Variants in IP6K2 observed in about 807,000 individuals in gnomAD.
IP6K2 encodes inositol hexakisphosphate kinase 2.
IP6K2 carries 9 observed loss-of-function variants against 43.3 expected under a neutral mutation model. The ratio of observed to expected loss-of-function variants is 0.21; its 90% CI spans 0.13 to 0.36. The LOEUF is 0.36. IP6K2 is among the 10% of genes least tolerant of loss of function. IP6K2 has a pLI of 1.00. For missense variants in IP6K2, 332 were observed against 538.4 expected, an observed-to-expected ratio of 0.62 and a Z score of 3.79; for synonymous variants, 209 against 202.4, an observed-to-expected ratio of 1.03 and a Z score of -0.28.
rs369490009 is a variant in IP6K2 at position 48,695,199 on chromosome 3, G to A, written c.93C>T (p.Cys31=). The A allele has an allele frequency of 3.2e-5, 51 of 1,585,516 alleles. 1 individual carries two copies. In the African/African-American group the frequency reaches 4.6e-4, roughly 14 times the overall value. Residue 31 remains cysteine (C), a synonymous_variant, in exon 2 of 6, where the codon TGC becomes TGT. Coordinates refer to ENST00000328631, the MANE Select transcript of IP6K2 (RefSeq NM_016291.4). This position sits in a 1 kb window ranked among gnomAD's most constrained non-coding sequence, Gnocchi z 4.6. ...PFVHQVGGHS[C]VLRFNETTLC... is the part of the protein sequence containing the mutation. Reference sequence around the variant, plus strand: ...GGGTTGTCTCATTGAAGCGGAGCACGCATGAGTGCCCCCCGACCTGGTGGA... The same window carrying A: ...GGGTTGTCTCATTGAAGCGGAGCACACATGAGTGCCCCCCGACCTGGTGGA...
chr3:48,695,894 AT>A lies in IP6K2; in HGVS notation c.-130-474del, dbSNP rs1051894982. On this transcript the variant is annotated intron_variant, in intron 1 of 5. Transcript: ENST00000328631. The surrounding 1 kb of genome is among the most constrained non-coding windows in gnomAD (Gnocchi z 4.6). ...TATATATAATTTTTTAATATATATA[AT>A]TTTTTTTTGAGATGGAGTCTCACTC... Among the ~76,000 whole-genome samples, 14 of 147,048 alleles carry A rather than the reference AT, an allele frequency of 9.5e-5. No individual in the cohort carries two copies. The highest frequency in any genetic ancestry group is 5.9e-4 in the East Asian group (3 of 5,106).
intron 4 of IP6K2, among the ~76,000 whole-genome samples, chr3:48,690,380 T>C (rs2077661021): frequency 6.6e-6 from 1 of 152,088 alleles, no homozygotes; most frequent in East Asian, 1.9e-4. Flanking sequence ...TCACGCCTGT[T>C]ATCCCAACAT....
At chr3:48,715,912 A>T (rs1225832454) in intron 1 of IP6K2, among the ~76,000 whole-genome samples, 1 of 150,620 alleles carries the variant, frequency 6.6e-6, no homozygotes, top group Admixed American at 6.6e-5. Flanking sequence ...ATGACAGTTA[A>T]CAGTTTAACT....
At chr3:48,694,827 G>A in intron 2 of IP6K2, 1 of 1,536,494 alleles carries the variant, frequency 6.5e-7, no homozygotes, top group East Asian at 2.4e-5. Flanking sequence ...AGAGACACCT[G>A]AACATAAAAC....
intron 2 of IP6K2, chr3:48,694,017 CCAG>C: frequency 7.1e-7 from 1 of 1,399,368 alleles, no homozygotes. Flanking sequence ...ACCTTTCCTC[CCAG>C]GCCTCTCTGC....
chr3:48,712,811 G>A (rs1476471033), intron 1 of IP6K2, among the ~76,000 whole-genome samples: 1 of 152,012 alleles, frequency 6.6e-6, no homozygotes, highest in East Asian at 2.0e-4. Flanking sequence ...GAGGTCAGGA[G>A]TTCGAGACCA....
intron 1 of IP6K2, among the ~76,000 whole-genome samples, chr3:48,716,768 G>A (rs1161788715): frequency 3.3e-5 from 5 of 152,112 alleles, no homozygotes; most frequent in East Asian, 1.9e-4. Flanking sequence ...AATATCTGGG[G>A]AGATCGTGGC....
chr3:48,695,085 C>T lies in IP6K2; in HGVS notation c.202+5G>A. Reference sequence around the variant, plus strand: ...GTGGCAACCCCTCCAGCAGCTGGGACTTACCTTTGTACTGGGGAGTGAATT... The same window carrying T: ...GTGGCAACCCCTCCAGCAGCTGGGATTTACCTTTGTACTGGGGAGTGAATT... On this transcript the variant is annotated splice_donor_5th_base_variant and intron_variant, in intron 2 of 5. Transcript: ENST00000328631. The surrounding 1 kb of genome is among the most constrained non-coding windows in gnomAD (Gnocchi z 4.6). 1 of 1,614,008 alleles carries T rather than the reference C, an allele frequency of 6.2e-7. No homozygotes were observed. The highest frequency in any genetic ancestry group is 8.5e-7 in the Non-Finnish European group (1 of 1,179,854).
At position 48,688,153 on chromosome 3, in the gene IP6K2, A is replaced by C; in HGVS notation, c.*120T>G. 4 of 1,084,206 alleles carry C rather than the reference A, an allele frequency of 3.7e-6. No homozygotes were observed. Among genetic ancestry groups the C allele is most frequent in the Non-Finnish European group, 4.1e-6 (3 of 731,092 alleles). 67.2% of individuals were successfully genotyped at this position (1,084,206 alleles called of 1,614,324 possible). On this transcript the variant is annotated 3_prime_UTR_variant, in exon 6 of 6. Transcript: ENST00000328631. The surrounding 1 kb of genome is among the most constrained non-coding windows in gnomAD (Gnocchi z 5.1). The stretch of plus-strand genomic sequence containing the variant: ...GCTCAGGCTGGGGCTCACAGAGGCC[A>C]CTGCACATCAGCTCCAGGCTGCAGG...
chr3:48,688,612 G>C lies in IP6K2; in HGVS notation c.942C>G (p.Leu314=), dbSNP rs997321233. ...LGPVLKKLTE[L]KAVLERQESY... is the part of the protein sequence containing the mutation. ...ACTCCTGTCGCTCCAACACTGCCTT[G>C]AGCTCAGTCAGCTTCTTGAGCACAG... Residue 314 remains leucine (L), a synonymous_variant, in exon 6 of 6, where the codon CTC becomes CTG. Transcript: ENST00000328631. The surrounding 1 kb of genome is among the most constrained non-coding windows in gnomAD (Gnocchi z 5.1). 1 of 1,614,122 alleles carries C rather than the reference G, an allele frequency of 6.2e-7. No individual in the cohort carries two copies. Among genetic ancestry groups the C allele is most frequent in the East Asian group, 2.2e-5 (1 of 44,900 alleles).
At chr3:48,703,654 T>C (rs2079334359) in intron 1 of IP6K2, among the ~76,000 whole-genome samples, 1 of 151,450 alleles carries the variant, frequency 6.6e-6, no homozygotes, top group Non-Finnish European at 1.5e-5. Context: ...GAAGCAGAGC[T>C]TGCAGTGAGC....
intron 1 of IP6K2, chr3:48,715,498 A>G: frequency 6.6e-7 from 1 of 1,524,290 alleles, no homozygotes; most frequent in Admixed American, 2.0e-5. Flanking sequence ...CAGGGCTAGC[A>G]TACAGTGTAC....
intron 1 of IP6K2, among the ~76,000 whole-genome samples, chr3:48,699,136 G>C (rs897371709): frequency 3.3e-5 from 5 of 152,152 alleles, no homozygotes; most frequent in Non-Finnish European, 7.3e-5. Flanking sequence ...GGGGCCGGGC[G>C]TGGTGGCTCA....
chr3:48,707,003 G>A (rs1040873919), intron 1 of IP6K2, among the ~76,000 whole-genome samples: 4 of 151,784 alleles, frequency 2.6e-5, no homozygotes, highest in African/African-American at 9.7e-5. Context: ...TTTAAAGATG[G>A]CATTTATAAT....
intron 5 of IP6K2, among the ~76,000 whole-genome samples, chr3:48,689,140 C>G (rs1255059597): frequency 6.6e-6 from 1 of 152,174 alleles, no homozygotes; most frequent in Non-Finnish European, 1.5e-5. Flanking sequence ...AAGCAACAGA[C>G]TCATGTAGGG....
At position 48,688,282 on chromosome 3, in the gene IP6K2, A is replaced by G; in HGVS notation, c.1272T>C (p.Ser424=). 2 of 1,612,964 alleles carry G rather than the reference A, an allele frequency of 1.2e-6. No individual in the cohort carries two copies. The highest frequency in any genetic ancestry group is 1.7e-6 in the Non-Finnish European group (2 of 1,179,206). The stretch of plus-strand genomic sequence containing the variant: ...GGAGCAGCTAGCAAGCTCACTCCCC[A>G]CTCTCCTCACTTATCTCTGTGACAA... ...IDIVTEISEE[S]GE is the part of the protein sequence containing the mutation. The change falls in exon 6 of 6, where the codon AGT becomes AGC. Residue 424 remains serine (S), a synonymous_variant. Transcript: ENST00000328631. This position sits in a 1 kb window ranked among gnomAD's most constrained non-coding sequence, Gnocchi z 5.1.
chr3:48,691,546 T>TGG (rs1368877158), intron 3 of IP6K2, 64 bp from the exon 4 acceptor site: 1 of 1,258,662 alleles, frequency 7.9e-7, no homozygotes, highest in Non-Finnish European at 1.1e-6. Context: ...CCGGGCATGG[T>TGG]GGCTCATGCC....
In IP6K2 at chr3:48,688,084, G is replaced by T. The variant is rs187012691; in HGVS notation, c.*189C>A. 257 of 626,388 alleles carry T rather than the reference G, an allele frequency of 4.1e-4. 1 individual carries two copies. The African/African-American group carries it at 4.1e-3, about 10-fold the overall frequency. 38.8% of individuals were successfully genotyped at this position (626,388 alleles called of 1,614,324 possible). A position where few individuals can be genotyped will look rare whatever the true frequency, so the allele number is the denominator to read the frequency against. On this transcript the variant is annotated 3_prime_UTR_variant, in exon 6 of 6. Coordinates refer to ENST00000328631, the MANE Select transcript of IP6K2 (RefSeq NM_016291.4). This position sits in a 1 kb window ranked among gnomAD's most constrained non-coding sequence, Gnocchi z 5.1. ...TCATCATCAAATGTGGAATGTTGAA[G>T]AAATAGTTAAAATAAATAAAGACTC...
chr3:48,692,662 C>T (rs1012420168), intron 3 of IP6K2, among the ~76,000 whole-genome samples: 3 of 152,238 alleles, frequency 2.0e-5, no homozygotes, highest in Non-Finnish European at 2.9e-5. Context: ...AAGGATGGCT[C>T]CTCTCTTAGT....
Sources: allele counts gnomAD v4.1 joint callset (sites outside exome capture counted in the v4.1 genomes callset), GRCh38; gene constraint gnomAD v4.1.1; non-coding constraint Gnocchi (gnomAD v3.1); transcripts MANE v1.5; gene names NCBI Gene and HGNC (gene_info 2026-07-23, HGNC 2026-07-21).